SPATA22: variants seen among roughly 807,000 people sequenced by gnomAD.
SPATA22 encodes the protein spermatogenesis-associated protein 22.
In SPATA22, 29 loss-of-function variants were observed where a neutral mutation model predicts 47.8. That is an observed-to-expected ratio of 0.61 (90% CI 0.45 to 0.83). The LOEUF (loss-of-function observed/expected upper bound fraction) is 0.83, where lower values mean the gene tolerates loss of function less well. Ranked by LOEUF, SPATA22 falls within the 40% of genes least tolerant of loss-of-function variation. SPATA22 has a pLI of 0.00. For missense variants in SPATA22, 410 were observed against 421.7 expected (o/e 0.97, Z 0.24); for synonymous variants, 133 against 140.9 (o/e 0.94, Z 0.40).
intron 1 of SPATA22, among the ~76,000 whole-genome samples, chr17:3,508,897 TA>T (rs59201485): frequency 0.058 from 6,597 of 112,816 alleles, 133 homozygotes; most frequent in African/African-American, 0.11. Flanking sequence ...GCTTAAAGTA[TA>T]AAAAAAAAAA....
At chr17:3,476,421 T>C, upstream of SPATA22, 1 of 1,598,276 alleles carries the variant, frequency 6.3e-7, no homozygotes, top group Non-Finnish European at 8.6e-7. Context: ...GTATTGTATA[T>C]GTATGTATGT....
intron 1 of SPATA22, among the ~76,000 whole-genome samples, chr17:3,469,932 AAAAATAC>A (rs2150734874): frequency 6.6e-6 from 1 of 152,222 alleles, no homozygotes; most frequent in Non-Finnish European, 1.5e-5. Context: ...CATCTCTACT[AAAAATAC>A]AAAATTAGCC....
intron 1 of SPATA22, among the ~76,000 whole-genome samples, chr17:3,470,474 G>A (rs1328262813): frequency 6.6e-6 from 1 of 152,210 alleles, no homozygotes; most frequent in Non-Finnish European, 1.5e-5. Context: ...AACAGGCCGG[G>A]TGCAGTGGCT....
chr17:3,482,753 C>T lies in SPATA22; in HGVS notation c.-73-13355G>A, dbSNP rs2073652513. Among the ~76,000 whole-genome samples the T allele has an allele frequency of 2.0e-5, 3 of 150,672 alleles. No individual in the cohort carries two copies. The Admixed American group carries it at 2.0e-4, about 10-fold the overall frequency. On this transcript the variant is annotated intron_variant, in intron 1 of 8. Transcript: ENST00000541913. ...CTGGGTAGTGGTCCTGGTAGGAGAT[C>T]ATAATGTAGCGATTCTTTTTTTTTT... is the stretch of plus-strand genomic sequence containing the variant.
rs1245251587 is a variant in SPATA22, at chr17:3,471,559, T to A, written c.-74+123A>T. 5 of 983,660 alleles carry A rather than the reference T, an allele frequency of 5.1e-6. No individual in the cohort carries two copies. In the East Asian group the frequency reaches 4.5e-4, roughly 89 times the overall value. 60.9% of individuals were successfully genotyped at this position (983,660 alleles called of 1,614,324 possible). A position where few individuals can be genotyped will look rare whatever the true frequency, so the allele number is the denominator to read the frequency against. ...CACCCACAAAAACCACGGCCTCAAA[T>A]GGCGGCCTGTTTTGGCTCCTGACCG... On this transcript the variant is annotated intron_variant, in intron 1 of 8. Coordinates refer to ENST00000572969, the MANE Select transcript of SPATA22 (RefSeq NM_001170698.2).
chr17:3,467,468 T>C lies in SPATA22; in HGVS notation c.130A>G (p.Ser44Gly). ...AAATCATAATTGTCAGAAGGGGTAC[T>C]GATACCTGAATCATCTTTAAGTGGA... ...SNPLKDDSGI[S>G]TPSDNYDFPP... is the part of the protein sequence containing the mutation. The change falls in exon 3 of 9, where the codon AGT (serine) becomes GGT (glycine). Residue 44 changes from serine to glycine, a missense_variant. Physicochemically the swap from Ser to Gly is moderately conservative, Grantham distance 56 (BLOSUM62 0). Transcript: ENST00000572969. 1.2e-6 allele frequency: 2 copies of C among 1,609,172 alleles called. No homozygotes were observed. Among genetic ancestry groups the C allele is most frequent in the South Asian group, 1.1e-5 (1 of 89,886 alleles).
chr17:3,465,790 T>TAAAAAAA (rs10681973), intron 3 of SPATA22, among the ~76,000 whole-genome samples: 2 of 147,514 alleles, frequency 1.4e-5, no homozygotes, highest in Non-Finnish European at 3.0e-5. Context: ...AATAAAAATT[T>TAAAAAAA]AAAAAACAAA....
chr17:3,474,751 T>C (rs1417871966), upstream of SPATA22, among the ~76,000 whole-genome samples: 2 of 152,238 alleles, frequency 1.3e-5, no homozygotes, highest in Non-Finnish European at 2.9e-5. Context: ...TTTGTATGCA[T>C]GTTTGTTTCC....
intron 1 of SPATA22, among the ~76,000 whole-genome samples, chr17:3,492,202 C>A (rs1337707400): frequency 2.0e-5 from 3 of 152,164 alleles, no homozygotes; most frequent in Admixed American, 1.3e-4. Context: ...ATTAAAAAAG[C>A]TGAGCAGCAA....
Position 3,448,953 on chromosome 17 carries a change from T to C in SPATA22, c.526A>G (p.Arg176Gly). Residue 176 changes from arginine to glycine, a missense_variant, in exon 6 of 9, where the codon AGA (arginine) becomes GGA (glycine). Physicochemically the swap from Arg to Gly is moderately radical, Grantham distance 125. Coordinates refer to ENST00000572969, the MANE Select transcript of SPATA22 (RefSeq NM_001170698.2). ...LSRNKETELL[R>G]QTHSSKISGC... is the part of the protein sequence containing the mutation. ...GATATTTTTGATGAATGTGTTTGTC[T>C]GAGTAGCTCGGTTTCTTTGTTGCGA... The C allele has an allele frequency of 6.2e-7, 1 of 1,614,108 alleles. No individual in the cohort carries two copies. Among genetic ancestry groups the C allele is most frequent in the Non-Finnish European group, 8.5e-7 (1 of 1,179,994 alleles).
chr17:3,496,982 C>T (rs2073920158), intron 1 of SPATA22, among the ~76,000 whole-genome samples: 1 of 152,178 alleles, frequency 6.6e-6, no homozygotes, highest in African/African-American at 2.4e-5. Flanking sequence ...AGGAAAATTG[C>T]TTGAACTCGG....
intron 1 of SPATA22, among the ~76,000 whole-genome samples, chr17:3,508,318 C>T (rs1406713222): frequency 1.3e-5 from 2 of 151,246 alleles, no homozygotes; most frequent in African/African-American, 4.9e-5. Context: ...TAAACTAGTT[C>T]AACCATTGTG....
At chr17:3,442,075 C>A (rs2072609875) in intron 8 of SPATA22, among the ~76,000 whole-genome samples, 1 of 151,884 alleles carries the variant, frequency 6.6e-6, no homozygotes, top group Non-Finnish European at 1.5e-5. Flanking sequence ...CCTGGTTTGG[C>A]ATTCACTTTG....
intron 1 of SPATA22, among the ~76,000 whole-genome samples, chr17:3,489,010 G>A (rs1355170753): frequency 6.6e-6 from 1 of 152,096 alleles, no homozygotes; most frequent in Non-Finnish European, 1.5e-5. Flanking sequence ...TTTTTTCCAT[G>A]TTCTTTCCCA....
In SPATA22 at chr17:3,481,675, A is replaced by G. The variant is rs922754514; in HGVS notation, c.-73-12277T>C. The G allele has an allele frequency of 9.9e-6, 16 of 1,613,814 alleles. No homozygotes were observed. In the Admixed American group the frequency reaches 1.3e-4, roughly 13 times the overall value. ...AAATAAATCATTTATTTGGTCCAAA[A>G]GACAGTGAAGATTCCTATGACATTA... On this transcript the variant is annotated intron_variant, in intron 1 of 8. Coordinates refer to the SPATA22 transcript ENST00000541913.
chr17:3,453,298 A>T (rs2150708184), intron 5 of SPATA22, among the ~76,000 whole-genome samples: 1 of 152,322 alleles, frequency 6.6e-6, no homozygotes, highest in East Asian at 1.9e-4. Context: ...AAGTTGAAAT[A>T]TTTTTTAACA....
chr17:3,503,561 C>T (rs1214837140), intron 1 of SPATA22: 2 of 152,068 alleles, frequency 1.3e-5, no homozygotes, highest in Non-Finnish European at 2.9e-5. Context: ...ATTCTTCCCT[C>T]AAATTTTAGT....
In SPATA22 at chr17:3,465,339, G is replaced by A. The variant is rs1458858953; in HGVS notation, c.172+2087C>T. Among the ~76,000 whole-genome samples the A allele has an allele frequency of 3.3e-5, 5 of 152,074 alleles. No homozygotes were observed. The East Asian group carries it at 5.8e-4, about 18-fold the overall frequency. On this transcript the variant is annotated intron_variant, in intron 3 of 8. Coordinates refer to ENST00000572969, the MANE Select transcript of SPATA22 (RefSeq NM_001170698.2). ...ATGGCGGTTTTGTGGAATAGAAAGC[G>A]GGGAAAGGTGGGGAAAAGATTGAGA...
At chr17:3,497,938 T>C (rs1597449653) in intron 1 of SPATA22, among the ~76,000 whole-genome samples, 1 of 152,076 alleles carries the variant, frequency 6.6e-6, no homozygotes, top group South Asian at 2.1e-4. Context: ...TGTTCTGGGG[T>C]TCCCGTGGTG....
Sources: gnomAD v4.1 joint callset for allele counts (sites outside exome capture counted in the v4.1 genomes callset) on GRCh38, gnomAD v4.1.1 for gene constraint, MANE v1.5 for transcripts, NCBI Gene and HGNC (gene_info 2026-07-23, HGNC 2026-07-21) for gene names.